Variants in TLN2 observed in about 807,000 individuals in gnomAD.
TLN2 encodes talin 2, also known as talin-2.
A neutral mutation model predicts 294.7 loss-of-function variants in TLN2; 118 were observed. The ratio of observed to expected loss-of-function variants is 0.40; its 90% CI spans 0.34 to 0.47. The LOEUF is 0.47. Among genes scored for constraint, TLN2 ranks in the 20% least tolerant of loss-of-function variants. The pLI, the probability that TLN2 is intolerant of heterozygous loss-of-function variation, is 0.84. For missense variants in TLN2, 3,083 were observed against 3,282.2 expected, an observed-to-expected ratio of 0.94 and a Z score of 1.48; for synonymous variants, 1,431 against 1,304.5, an observed-to-expected ratio of 1.10 and a Z score of -2.09.
intron 1 of TLN2, among the ~76,000 whole-genome samples, chr15:62,584,467 G>A (rs1338018281): frequency 6.6e-6 from 1 of 152,146 alleles, no homozygotes; most frequent in Non-Finnish European, 1.5e-5. Flanking sequence ...CATCTCTGAG[G>A]TCCTTGGGTG....
intron 42 of TLN2, among the ~76,000 whole-genome samples, chr15:62,772,398 T>C (rs2063401264): frequency 6.6e-6 from 1 of 152,136 alleles, no homozygotes; most frequent in Non-Finnish European, 1.5e-5. Context: ...TAAGTTGAGT[T>C]GCTGAAGTGG....
intron 32 of TLN2, among the ~76,000 whole-genome samples, chr15:62,747,627 A>G (rs1212427050): frequency 6.6e-6 from 1 of 152,120 alleles, no homozygotes; most frequent in African/African-American, 2.4e-5. Context: ...TTTCTTATGA[A>G]TGTATTAGCT....
At chr15:62,429,255 T>C (rs558719150) in intron 1 of TLN2, among the ~76,000 whole-genome samples, 1 of 152,084 alleles carries the variant, frequency 6.6e-6, no homozygotes, top group Admixed American at 6.6e-5. Flanking sequence ...CCTGTGTGGT[T>C]GGATGGTTCT....
At chr15:62,417,536 A>G (rs2034155076) in intron 1 of TLN2, among the ~76,000 whole-genome samples, 1 of 152,220 alleles carries the variant, frequency 6.6e-6, no homozygotes, top group African/African-American at 2.4e-5. Context: ...TGCTTCAGTT[A>G]CTTGATTCAC....
At chr15:62,559,908 C>G (rs773894952) in intron 1 of TLN2, among the ~76,000 whole-genome samples, 2 of 152,208 alleles carry the variant, frequency 1.3e-5, no homozygotes, top group Non-Finnish European at 2.9e-5. Context: ...CTGTCCTAAT[C>G]TTTGTGACTT....
At chr15:62,647,849 T>C (rs1409534791) in intron 4 of TLN2, among the ~76,000 whole-genome samples, 4 of 152,320 alleles carry the variant, frequency 2.6e-5, no homozygotes, top group Non-Finnish European at 5.9e-5. Flanking sequence ...GCAGGTCTTA[T>C]ATTTCAAGTT....
intron 2 of TLN2, among the ~76,000 whole-genome samples, chr15:62,600,100 A>T (rs1404861918): frequency 6.6e-6 from 1 of 152,154 alleles, no homozygotes; most frequent in African/African-American, 2.4e-5. Flanking sequence ...CGCTGAGTTG[A>T]TGTGAGTTTT....
At chr15:62,792,514 C>A (rs576791729) in intron 45 of TLN2, 127 bp from the exon 46 acceptor site, 1 of 1,287,962 alleles carries the variant, frequency 7.8e-7, no homozygotes, top group South Asian at 1.5e-5. Context: ...AACACAGACT[C>A]CTAATAGGAG....
intron 9 of TLN2, 188 bp downstream of exon 9, chr15:62,658,086 T>A: frequency 1.9e-6 from 1 of 522,702 alleles, no homozygotes; most frequent in Non-Finnish European, 3.2e-6. Context: ...AATTCAGAAG[T>A]TTCTTTTGCT....
chr15:62,549,917 C>T (rs74022603), intron 1 of TLN2, among the ~76,000 whole-genome samples: 20,026 of 152,104 alleles, frequency 0.13, 1,400 homozygotes, highest in African/African-American at 0.18. Context: ...TGCAGATTCC[C>T]AAGCCTGCCA....
intron 11 of TLN2, among the ~76,000 whole-genome samples, chr15:62,681,669 C>T (rs187615415): frequency 9.3e-4 from 141 of 152,284 alleles, no homozygotes; most frequent in African/African-American, 3.2e-3. Context: ...CTCTCTAAAT[C>T]TCAGTTTCTT....
At chr15:62,545,284 G>T (rs1331867368) in intron 1 of TLN2, among the ~76,000 whole-genome samples, 2 of 151,884 alleles carry the variant, frequency 1.3e-5, no homozygotes, top group Non-Finnish European at 1.5e-5. Flanking sequence ...AAAATTGGGG[G>T]GTGAAGAACA....
intron 21 of TLN2, among the ~76,000 whole-genome samples, chr15:62,709,482 C>T (rs559595205): frequency 3.3e-5 from 5 of 152,280 alleles, no homozygotes; most frequent in Admixed American, 3.3e-4. Context: ...AAGACACGTT[C>T]CCTGCTGAGC....
intron 1 of TLN2, among the ~76,000 whole-genome samples, chr15:62,437,403 C>T (rs1216435402): frequency 6.6e-6 from 1 of 151,990 alleles, no homozygotes; most frequent in Non-Finnish European, 1.5e-5. Context: ...GTGCGAGCCA[C>T]CACACCTGAC....
intron 50 of TLN2, among the ~76,000 whole-genome samples, chr15:62,802,565 G>A (rs953457917): frequency 6.6e-6 from 1 of 152,136 alleles, no homozygotes; most frequent in Non-Finnish European, 1.5e-5. Flanking sequence ...TTAATAAACT[G>A]ATATCCTTTC....
intron 1 of TLN2, among the ~76,000 whole-genome samples, chr15:62,422,864 C>A (rs879117318): frequency 1.3e-5 from 2 of 152,228 alleles, no homozygotes; most frequent in African/African-American, 4.8e-5. Context: ...GATGCCTGGA[C>A]CCCTCTCCTG....
intron 1 of TLN2, among the ~76,000 whole-genome samples, chr15:62,423,774 T>G (rs1321904385): frequency 6.6e-6 from 1 of 152,098 alleles, no homozygotes; most frequent in Non-Finnish European, 1.5e-5. Flanking sequence ...GAGACTGGGT[T>G]TCTCCATGTT....
Position 62,727,036 on chromosome 15 carries a change from G to A in TLN2, c.3256-51G>A, listed in dbSNP as rs1317219666. Reference sequence around the variant, plus strand: ...TTTTCTAAATTATTTTAAGACCTCAGCAGATGTTCCTTTTCTTCTACGTTC... The same window carrying A: ...TTTTCTAAATTATTTTAAGACCTCAACAGATGTTCCTTTTCTTCTACGTTC... On this transcript the variant is annotated intron_variant, in intron 27 of 58. Coordinates refer to ENST00000636159, the MANE Select transcript of TLN2 (RefSeq NM_015059.3). The A allele has an allele frequency of 6.3e-6, 10 of 1,574,856 alleles. No individual in the cohort carries two copies. In the Admixed American group the frequency reaches 1.0e-4, roughly 16 times the overall value.
At chr15:62,742,137 G>C (rs1397053959) in intron 32 of TLN2, among the ~76,000 whole-genome samples, 1 of 150,856 alleles carries the variant, frequency 6.6e-6, no homozygotes. Context: ...ATTTATTCCT[G>C]GAAGGTACAT....
Sources: gnomAD v4.1 joint callset for allele counts (sites outside exome capture counted in the v4.1 genomes callset) on GRCh38, gnomAD v4.1.1 for gene constraint, MANE v1.5 for transcripts, NCBI Gene and HGNC (gene_info 2026-07-23, HGNC 2026-07-21) for gene names.